AJAP1: variants seen among roughly 807,000 people sequenced by gnomAD.
The protein encoded by AJAP1 is adherens junction-associated protein 1.
In AJAP1, 5 loss-of-function variants were observed where a neutral mutation model predicts 35.0. That is an observed-to-expected ratio of 0.14 (90% CI 0.07 to 0.30). AJAP1 has a LOEUF of 0.30. Ranked by LOEUF, AJAP1 falls within the 10% of genes least tolerant of loss-of-function variation. AJAP1 has a pLI of 1.00. For missense variants in AJAP1, 586 were observed against 571.0 expected, an observed-to-expected ratio of 1.03 and a Z score of -0.27; for synonymous variants, 284 against 249.3, an observed-to-expected ratio of 1.14 and a Z score of -1.31.
chr1:4,662,836 C>T (rs1477911521), intron 1 of AJAP1, among the ~76,000 whole-genome samples: 1 of 152,146 alleles, frequency 6.6e-6, no homozygotes, highest in Non-Finnish European at 1.5e-5. Context: ...TGTTTTGGTT[C>T]GATGGAGAAC....
In AJAP1 at chr1:4,712,445, T is replaced by C; in HGVS notation, c.575T>C (p.Leu192Pro). The C allele has an allele frequency of 6.2e-7, 1 of 1,609,028 alleles. No homozygotes were observed. The highest frequency in any genetic ancestry group is 1.1e-5 in the South Asian group (1 of 90,000). The part of the protein sequence containing the change: ...AWGPTGDEEA[L>P]ESNTFPGVYG... The stretch of plus-strand genomic sequence containing the variant: ...GGGCCCACGGGGGACGAGGAGGCCC[T>C]GGAGTCCAACACATTTCCGGGCGTT... Residue 192 changes from leucine (L) to proline (P), a missense_variant, in exon 2 of 6, where the codon CTG becomes CCG. Coordinates refer to ENST00000378191, the MANE Select transcript of AJAP1 (RefSeq NM_018836.4).
intron 1 of AJAP1, among the ~76,000 whole-genome samples, chr1:4,674,756 G>A (rs965853772): frequency 3.3e-5 from 5 of 152,226 alleles, no homozygotes; most frequent in Non-Finnish European, 7.3e-5. Flanking sequence ...GCCCAGGGCA[G>A]AGTGAGCAGG....
At position 4,738,175 on chromosome 1, in the gene AJAP1, G is replaced by A. The variant is rs543740114; in HGVS notation, c.829+25476G>A. Reference sequence around the variant, plus strand: ...AGCCCAGGCGTCCTTCAAGCATGCAGCCCCCAGCCACATGGCAGGCCACGG... The same window carrying A: ...AGCCCAGGCGTCCTTCAAGCATGCAACCCCCAGCCACATGGCAGGCCACGG... On this transcript the variant is annotated intron_variant, in intron 2 of 5. Transcript: ENST00000378191. Among the ~76,000 whole-genome samples the A allele has an allele frequency of 5.9e-5, 9 of 152,304 alleles. No homozygotes were observed. The East Asian group carries it at 1.7e-3, about 29-fold the overall frequency.
intron 5 of AJAP1, 49 bp downstream of exon 5, chr1:4,774,607 TCC>T: frequency 9.5e-7 from 1 of 1,052,062 alleles, no homozygotes; most frequent in Non-Finnish European, 1.5e-6. Context: ...TTTCCTCCCC[TCC>T]CCACTGCCCT....
intron 2 of AJAP1, among the ~76,000 whole-genome samples, chr1:4,721,160 G>A (rs531950661): frequency 6.6e-6 from 1 of 152,252 alleles, no homozygotes; most frequent in Non-Finnish European, 1.5e-5. Flanking sequence ...TGGGAAGGGG[G>A]TAGGAGGGGG....
chr1:4,704,344 T>C (rs1030763414), intron 1 of AJAP1, among the ~76,000 whole-genome samples: 1 of 133,992 alleles, frequency 7.5e-6, no homozygotes, highest in African/African-American at 2.8e-5. Context: ...AGTGTGATGT[T>C]CCCCTTCCTG....
chr1:4,702,628 G>A (rs938364549), intron 1 of AJAP1, among the ~76,000 whole-genome samples: 1 of 152,166 alleles, frequency 6.6e-6, no homozygotes, highest in Non-Finnish European at 1.5e-5. Context: ...GGCGTCCTGG[G>A]GCTCCCGGTG....
chr1:4,678,392 G>T (rs1248697966), intron 1 of AJAP1, among the ~76,000 whole-genome samples: 1 of 152,152 alleles, frequency 6.6e-6, no homozygotes, highest in Non-Finnish European at 1.5e-5. Flanking sequence ...AACTTAGTTG[G>T]GCCCTGTGCA....
In AJAP1 at chr1:4,720,102, AGAT is replaced by A. The variant is rs1286811681; in HGVS notation, c.829+7404_829+7406del. Reference sequence around the variant, plus strand: ...AAAACATCACCCGCATCTTTGCAGCAGATAAGTTCCAAGTGACGTTTGAGGGCT... The same window carrying A: ...AAAACATCACCCGCATCTTTGCAGCAAAGTTCCAAGTGACGTTTGAGGGCT... On this transcript the variant is annotated intron_variant, in intron 2 of 5. Coordinates refer to ENST00000378191, the MANE Select transcript of AJAP1 (RefSeq NM_018836.4). This position sits in a 1 kb window ranked among gnomAD's most constrained non-coding sequence, Gnocchi z 4.4. Among the ~76,000 whole-genome samples, 1 of 152,204 alleles carries A rather than the reference AGAT, an allele frequency of 6.6e-6. No homozygotes were observed. The highest frequency in any genetic ancestry group is 1.5e-5 in the Non-Finnish European group (1 of 68,042).
At position 4,783,471 on chromosome 1, in the gene AJAP1, G is replaced by GTATATA. The variant is rs70957905; in HGVS notation, c.*1020_*1025dup. On this transcript the variant is annotated 3_prime_UTR_variant, in exon 6 of 6. Transcript: ENST00000378191. ...ATGCCAAGGTTTTATATATGTGTGT[G>GTATATA]TATATATATATATATATATATATAT... The GTATATA allele has an allele frequency of 2.7e-3, 158 of 57,720 alleles. 1 individual carries two copies. Among genetic ancestry groups the GTATATA allele is most frequent in the South Asian group, 7.7e-3 (14 of 1,826 alleles). 3.6% of individuals were successfully genotyped at this position (57,720 alleles called of 1,614,324 possible). A position where few individuals can be genotyped will look rare whatever the true frequency, so the allele number is the denominator to read the frequency against.
intron 1 of AJAP1, among the ~76,000 whole-genome samples, chr1:4,668,741 C>G (rs998952035): frequency 9.9e-5 from 15 of 152,162 alleles, no homozygotes; most frequent in African/African-American, 3.6e-4. Flanking sequence ...GAGCCGGGGT[C>G]CCCTGCCTGG....
At chr1:4,667,289 C>T (rs1176863308) in intron 1 of AJAP1, among the ~76,000 whole-genome samples, 1 of 152,138 alleles carries the variant, frequency 6.6e-6, no homozygotes, top group Non-Finnish European at 1.5e-5. Context: ...AAAGGTGTGA[C>T]AGGCCCTGAC....
At chr1:4,713,176 G>T (rs1389937391) in intron 2 of AJAP1, among the ~76,000 whole-genome samples, 1 of 152,202 alleles carries the variant, frequency 6.6e-6, no homozygotes, top group Non-Finnish European at 1.5e-5. Flanking sequence ...GCATGGACGG[G>T]GGCAGGGTGC....
chr1:4,664,808 T>C (rs1639080335), intron 1 of AJAP1, among the ~76,000 whole-genome samples: 1 of 152,144 alleles, frequency 6.6e-6, no homozygotes, highest in Non-Finnish European at 1.5e-5. Flanking sequence ...GTGGATTCAA[T>C]TTCCCGAATG....
At chr1:4,658,187 C>T (rs887096850) in intron 1 of AJAP1, among the ~76,000 whole-genome samples, 1 of 152,194 alleles carries the variant, frequency 6.6e-6, no homozygotes, top group Non-Finnish European at 1.5e-5. Flanking sequence ...GGGTTGCGCT[C>T]AGGACTGTGA....
Position 4,715,529 on chromosome 1 carries a change from C to CA in AJAP1, c.829+2836dup, listed in dbSNP as rs535583317. Among the ~76,000 whole-genome samples the CA allele has an allele frequency of 1.6e-4, 24 of 152,220 alleles. No homozygotes were observed. In the South Asian group the frequency reaches 4.1e-3, roughly 26 times the overall value. On this transcript the variant is annotated intron_variant, in intron 2 of 5. Transcript: ENST00000378191. ...AGAAACCCTGTCTCTACTAAAAATA[C>CA]AAAAAATTAACCTGGTATGGTGGCA... is the stretch of plus-strand genomic sequence containing the variant.
At chr1:4,695,050 G>T (rs564376253) in intron 1 of AJAP1, among the ~76,000 whole-genome samples, 5 of 152,136 alleles carry the variant, frequency 3.3e-5, no homozygotes, top group African/African-American at 1.2e-4. Flanking sequence ...TACTTTGGCC[G>T]CCAGGGGACC....
At chr1:4,684,819 C>A (rs912465987) in intron 1 of AJAP1, among the ~76,000 whole-genome samples, 1 of 152,158 alleles carries the variant, frequency 6.6e-6, no homozygotes, top group Non-Finnish European at 1.5e-5. Context: ...CTTGCCTCAC[C>A]TCCCCCAGCC....
At chr1:4,690,966 G>A (rs1639726612) in intron 1 of AJAP1, among the ~76,000 whole-genome samples, 1 of 152,184 alleles carries the variant, frequency 6.6e-6, no homozygotes, top group Non-Finnish European at 1.5e-5. Context: ...CAGAAGGGCA[G>A]GCCATGTCTG....
Sources: gnomAD v4.1 joint callset for allele counts (sites outside exome capture counted in the v4.1 genomes callset) on GRCh38, gnomAD v4.1.1 for gene constraint, Gnocchi (gnomAD v3.1) non-coding constraint, MANE v1.5 for transcripts, NCBI Gene and HGNC (gene_info 2026-07-23, HGNC 2026-07-21) for gene names.